The following PPP5C variants were observed in gnomAD, a reference collection of about 807,000 sequenced individuals.
PPP5C encodes serine/threonine-protein phosphatase 5.
Under a neutral mutation model 66.7 loss-of-function variants are expected in PPP5C, and 21 were observed. That is an observed-to-expected ratio of 0.31 (90% CI 0.22 to 0.45). PPP5C has a LOEUF of 0.45. Among genes scored for constraint, PPP5C ranks in the 20% least tolerant of loss-of-function variants. The probability of loss-of-function intolerance (pLI) is 1.00; values close to 1 mark genes in which losing one functional copy is unlikely to be tolerated. For synonymous variants in PPP5C, 246 were observed against 257.4 expected, an observed-to-expected ratio of 0.96 and a Z score of 0.43; for missense variants, 464 against 675.9, an observed-to-expected ratio of 0.69 and a Z score of 3.48.
intron 2 of PPP5C, among the ~76,000 whole-genome samples, chr19:46,359,982 T>C (rs749809541): frequency 1.3e-5 from 2 of 152,096 alleles, no homozygotes; most frequent in Non-Finnish European, 2.9e-5. Flanking sequence ...TTTCACCACG[T>C]TGGCCAGGCT....
chr19:46,377,476 G>A (rs1359638420), intron 4 of PPP5C, among the ~76,000 whole-genome samples: 1 of 152,218 alleles, frequency 6.6e-6, no homozygotes, highest in Non-Finnish European at 1.5e-5. Flanking sequence ...GGTGAGACAG[G>A]AGGAGGAATG....
At chr19:46,361,763 C>G (rs78673864) in intron 2 of PPP5C, among the ~76,000 whole-genome samples, 1 of 104,262 alleles carries the variant, frequency 9.6e-6, no homozygotes, top group Non-Finnish European at 2.1e-5. Context: ...GACTCCGTCT[C>G]AAAAAAAAAA....
Position 46,388,463 on chromosome 19 carries a change from G to C in PPP5C, c.1176+15G>C, listed in dbSNP as rs988476084. ...CACAGCCACAGGTGAGTCTAGGGTG[G>C]GGTGCAGGGCCGGCGGGTGTGGGCT... On this transcript the variant is annotated intron_variant, in intron 10 of 12. Coordinates refer to ENST00000012443, the MANE Select transcript of PPP5C (RefSeq NM_006247.4). This position sits in a 1 kb window ranked among gnomAD's most constrained non-coding sequence, Gnocchi z 4.9. 6.2e-7 allele frequency: 1 copy of C among 1,612,080 alleles called. No homozygotes were observed. Among genetic ancestry groups the C allele is most frequent in the African/African-American group, 1.3e-5 (1 of 75,018 alleles).
At chr19:46,352,042 G>T (rs1188646150) in intron 1 of PPP5C, among the ~76,000 whole-genome samples, 1 of 152,188 alleles carries the variant, frequency 6.6e-6, no homozygotes, top group Non-Finnish European at 1.5e-5. Flanking sequence ...ATCTCTCTCT[G>T]CATCCCTCCT....
At chr19:46,390,205 G>A in intron 12 of PPP5C, 73 bp downstream of exon 12, 4 of 1,608,144 alleles carry the variant, frequency 2.5e-6, no homozygotes, top group Non-Finnish European at 3.4e-6. Context: ...CCTGGTAAGG[G>A]GCAGGGGTAG....
In PPP5C at chr19:46,383,231, T is replaced by TGCGGCTGCCTCCGGCC; in HGVS notation, c.634-179_634-164dup. The TGCGGCTGCCTCCGGCC allele has an allele frequency of 6.5e-7, 1 of 1,538,188 alleles. No individual in the cohort carries two copies. Among genetic ancestry groups the TGCGGCTGCCTCCGGCC allele is most frequent in the South Asian group, 1.2e-5 (1 of 83,172 alleles). Reference sequence around the variant, plus strand: ...CGGCACTGCACAGGCCACAGAAGCCTGCGGCTGCCTCCGGCCCCGCCTGCT... The same window carrying TGCGGCTGCCTCCGGCC: ...CGGCACTGCACAGGCCACAGAAGCCTGCGGCTGCCTCCGGCCGCGGCTGCCTCCGGCCCCGCCTGCT... On this transcript the variant is annotated intron_variant, in intron 4 of 12. Coordinates refer to ENST00000012443, the MANE Select transcript of PPP5C (RefSeq NM_006247.4). This position sits in a 1 kb window ranked among gnomAD's most constrained non-coding sequence, Gnocchi z 5.0.
intron 1 of PPP5C, among the ~76,000 whole-genome samples, chr19:46,349,062 G>A (rs1360434177): frequency 6.6e-6 from 1 of 152,142 alleles, no homozygotes; most frequent in African/African-American, 2.4e-5. Flanking sequence ...GGAGAAATGG[G>A]GGAGGGTGGT....
At chr19:46,354,073 AT>A in intron 2 of PPP5C, 84 bp downstream of exon 2, 1 of 1,527,072 alleles carries the variant, frequency 6.5e-7, no homozygotes. Context: ...GTGAGGAGCC[AT>A]TCACTCCTCT....
At chr19:46,375,448 G>C (rs569369326) in intron 2 of PPP5C, among the ~76,000 whole-genome samples, 156 bp from the exon 3 acceptor site, 7 of 152,336 alleles carry the variant, frequency 4.6e-5, no homozygotes, top group Non-Finnish European at 8.8e-5. Flanking sequence ...AGAAACCAAG[G>C]CTCGGCAGTT....
intron 2 of PPP5C, among the ~76,000 whole-genome samples, chr19:46,369,297 T>C (rs1972542624): frequency 6.6e-6 from 1 of 152,218 alleles, no homozygotes; most frequent in Non-Finnish European, 1.5e-5. Context: ...TAGTGAATGC[T>C]GTGGCAACTG....
At position 46,383,264 on chromosome 19, in the gene PPP5C, C is replaced by T. The variant is rs1972825075; in HGVS notation, c.634-147C>T. 6.5e-7 allele frequency: 1 copy of T among 1,546,616 alleles called. No homozygotes were observed. The highest frequency in any genetic ancestry group is 8.7e-7 in the Non-Finnish European group (1 of 1,146,152). On this transcript the variant is annotated intron_variant, in intron 4 of 12. Transcript: ENST00000012443. The surrounding 1 kb of genome is among the most constrained non-coding windows in gnomAD (Gnocchi z 5.0). Reference sequence around the variant, plus strand: ...CCTCCGGCCCCGCCTGCTCCCGCTCCCCCAGGCCTGCCCTGCCCTTTTTCT... The same window carrying T: ...CCTCCGGCCCCGCCTGCTCCCGCTCTCCCAGGCCTGCCCTGCCCTTTTTCT...
rs1158423038 is a variant in PPP5C at position 46,363,307 on chromosome 19, CAAAAAAAAAAAAAAAA to C, written c.363+9343_363+9358del. The stretch of plus-strand genomic sequence containing the variant: ...TGGGCGACAGAGCGAGACTCCATCT[CAAAAAAAAAAAAAAAA>C]AAAAAAAAAAAAAAAAAAAAAAAAC... On this transcript the variant is annotated intron_variant, in intron 2 of 12. Transcript: ENST00000012443. Among the ~76,000 whole-genome samples, 151 of 27,904 alleles carry C rather than the reference CAAAAAAAAAAAAAAAA, an allele frequency of 5.4e-3. 2 individuals carry two copies. The highest frequency in any genetic ancestry group is 5.9e-3 in the Non-Finnish European group (107 of 18,036). The allele number at this position is 27,904 out of a possible 152,430, so 18.3% of individuals were successfully genotyped here.
Position 46,387,601 on chromosome 19 carries a change from T to C in PPP5C, c.1135+148T>C, listed in dbSNP as rs1972913304. ...AGCCTCAGTTTCCTCACCTGCGACT[T>C]GGGCCAGTGCACCTCCTTCATGGGG... On this transcript the variant is annotated intron_variant, in intron 9 of 12. Coordinates refer to ENST00000012443, the MANE Select transcript of PPP5C (RefSeq NM_006247.4). 3 of 1,544,076 alleles carry C rather than the reference T, an allele frequency of 1.9e-6. No homozygotes were observed. In the African/African-American group the frequency reaches 4.1e-5, roughly 21 times the overall value.
intron 2 of PPP5C, among the ~76,000 whole-genome samples, chr19:46,355,382 T>G (rs2147364229): frequency 6.6e-6 from 1 of 151,210 alleles, no homozygotes; most frequent in East Asian, 2.0e-4. Context: ...GAGCCGCGAG[T>G]CTGCAGTTGG....
intron 2 of PPP5C, among the ~76,000 whole-genome samples, chr19:46,370,372 A>G (rs974978817): frequency 4.6e-5 from 7 of 152,190 alleles, no homozygotes; most frequent in African/African-American, 1.7e-4. Context: ...GCCTAGGCCT[A>G]CGCAGGGTCA....
intron 11 of PPP5C, among the ~76,000 whole-genome samples, 175 bp from the exon 12 acceptor site, chr19:46,389,876 C>G (rs1258973489): frequency 6.6e-6 from 1 of 151,768 alleles, no homozygotes; most frequent in Non-Finnish European, 1.5e-5. Flanking sequence ...TCCTGCCCCT[C>G]CCATTCTTTC....
At position 46,383,263 on chromosome 19, in the gene PPP5C, C is replaced by T; in HGVS notation, c.634-148C>T. ...GCCTCCGGCCCCGCCTGCTCCCGCT[C>T]CCCCAGGCCTGCCCTGCCCTTTTTC... On this transcript the variant is annotated intron_variant, in intron 4 of 12. Coordinates refer to ENST00000012443, the MANE Select transcript of PPP5C (RefSeq NM_006247.4). The surrounding 1 kb of genome is among the most constrained non-coding windows in gnomAD (Gnocchi z 5.0). 1.3e-6 allele frequency: 2 copies of T among 1,545,924 alleles called. No individual in the cohort carries two copies. Among genetic ancestry groups the T allele is most frequent in the South Asian group, 1.2e-5 (1 of 83,304 alleles).
chr19:46,347,826 T>A (rs1394274457), intron 1 of PPP5C, among the ~76,000 whole-genome samples: 1 of 151,878 alleles, frequency 6.6e-6, no homozygotes. Flanking sequence ...TCAACAAATA[T>A]TTATTGAGTA....
At chr19:46,363,632 T>C (rs556408560) in intron 2 of PPP5C, among the ~76,000 whole-genome samples, 5 of 152,084 alleles carry the variant, frequency 3.3e-5, no homozygotes, top group Non-Finnish European at 5.9e-5. Context: ...GGTTTCACCA[T>C]GTTGGCCAGA....
Sources: allele counts gnomAD v4.1 joint callset (sites outside exome capture counted in the v4.1 genomes callset), GRCh38; gene constraint gnomAD v4.1.1; non-coding constraint Gnocchi (gnomAD v3.1); transcripts MANE v1.5; gene names NCBI Gene and HGNC (gene_info 2026-07-23, HGNC 2026-07-21).